Variants in ZCCHC14 observed in about 807,000 individuals in gnomAD.
The protein encoded by ZCCHC14 is zinc finger CCHC domain-containing protein 14.
A neutral mutation model predicts 85.0 loss-of-function variants in ZCCHC14; 16 were observed. The observed-to-expected ratio is 0.19, with a 90% confidence interval of 0.13 to 0.29. The LOEUF (loss-of-function observed/expected upper bound fraction) is 0.29, where lower values mean the gene tolerates loss of function less well. Among genes scored for constraint, ZCCHC14 ranks in the 10% least tolerant of loss-of-function variants. ZCCHC14 has a pLI of 1.00. For synonymous variants in ZCCHC14, 775 were observed against 630.7 expected, an observed-to-expected ratio of 1.23 and a Z score of -3.43; for missense variants, 1,303 against 1,443.5, an observed-to-expected ratio of 0.90 and a Z score of 1.58.
chr16:87,467,121 A>C lies in ZCCHC14; in HGVS notation c.571-6990T>G, dbSNP rs1911560632. On this transcript the variant is annotated intron_variant, in intron 1 of 12. Transcript: ENST00000671377. ...TCTGACCTCTAACTCCTGGCCTCAA[A>C]AGTGGTCCTCCACCAGATCAGACCT... 1.7e-5 allele frequency: 14 copies of C among 810,850 alleles called. No individual in the cohort carries two copies. The South Asian group carries it at 2.2e-4, about 13-fold the overall frequency. 50.2% of individuals were successfully genotyped at this position (810,850 alleles called of 1,614,324 possible). A position where few individuals can be genotyped will look rare whatever the true frequency, so the allele number is the denominator to read the frequency against.
At chr16:87,411,036 G>A (rs190549830) in intron 12 of ZCCHC14, among the ~76,000 whole-genome samples, 10 of 152,324 alleles carry the variant, frequency 6.6e-5, no homozygotes, top group East Asian at 1.9e-4. Flanking sequence ...AAAAAATAGC[G>A]GAGATAAAAC....
intron 1 of ZCCHC14, chr16:87,467,717 T>C (rs894512031): frequency 1.5e-6 from 1 of 655,496 alleles, no homozygotes; most frequent in Non-Finnish European, 2.7e-6. Context: ...AGTGGTGCGA[T>C]CTTGGCTCAC....
intron 1 of ZCCHC14, among the ~76,000 whole-genome samples, chr16:87,484,382 C>A (rs866082733): frequency 7.0e-4 from 106 of 152,266 alleles, no homozygotes; most frequent in Middle Eastern, 3.4e-3. Flanking sequence ...GCTGAATACT[C>A]TTCCGAAAAA....
At chr16:87,419,001 G>C in intron 6 of ZCCHC14, 100 bp from the exon 7 acceptor site, 1 of 1,150,782 alleles carries the variant, frequency 8.7e-7, no homozygotes, top group South Asian at 1.4e-5. Context: ...TTGTTGCCCA[G>C]GCTGGAGAGC....
chr16:87,419,786 G>A lies in ZCCHC14; in HGVS notation c.1042C>T (p.Pro348Ser). 6.3e-7 allele frequency: 1 copy of A among 1,597,806 alleles called. No individual in the cohort carries two copies. The highest frequency in any genetic ancestry group is 1.8e-5 in the Admixed American group (1 of 55,794). ...TAACCATATTTTACAAACTCACTTG[G>A]ACTCTGAAGCTGCTGTGGGGGAGAG... ...TSSPPQQLQS[P>S]SPGNPSLSKV... Residue 348 changes from proline to serine, a missense_variant, in exon 6 of 13, where the codon CCA becomes TCA. Physicochemically the swap from Pro to Ser is moderately conservative, Grantham distance 74. This residue lies in a region of ZCCHC14 where 389 missense variants were observed against 397.8 expected (regional missense o/e 0.98). Coordinates refer to ENST00000671377, the MANE Select transcript of ZCCHC14 (RefSeq NM_015144.3).
intron 1 of ZCCHC14, among the ~76,000 whole-genome samples, chr16:87,477,096 G>C (rs186846233): frequency 8.7e-6 from 1 of 114,614 alleles, no homozygotes; most frequent in African/African-American, 3.7e-5. Context: ...TTGTACTCTA[G>C]CCTGACAGAG....
In ZCCHC14 at chr16:87,414,437, G is replaced by C; in HGVS notation, c.1580C>G (p.Ser527Trp). Reference protein sequence around the residue: ...PPTSHVGPVQSGRGSHAAELR... With the variant: ...PPTSHVGPVQWGRGSHAAELR... The stretch of plus-strand genomic sequence containing the variant: ...ACCTGCTGCATGGCTGCCCCGCCCC[G>C]ACTGCACGGGCCCGACGTGGCTGGT... The change falls in exon 10 of 13, where the codon TCG becomes TGG. Residue 527 changes from serine (S) to tryptophan (W), a missense_variant. Physicochemically the swap from Ser to Trp is radical, Grantham distance 177. Coordinates refer to ENST00000671377, the MANE Select transcript of ZCCHC14 (RefSeq NM_015144.3). 6.2e-7 allele frequency: 1 copy of C among 1,613,070 alleles called. No homozygotes were observed. The highest frequency in any genetic ancestry group is 8.5e-7 in the Non-Finnish European group (1 of 1,179,922).
chr16:87,429,922 T>TA (rs1181154716), intron 3 of ZCCHC14, among the ~76,000 whole-genome samples: 11 of 152,076 alleles, frequency 7.2e-5, no homozygotes, highest in Non-Finnish European at 1.0e-4. Context: ...CCCCATCTCT[T>TA]AAAAAAAAGT....
Position 87,491,753 on chromosome 16 carries a change from G to T in ZCCHC14, c.486C>A (p.Ser162Arg), listed in dbSNP as rs373023329. ...VLRQELTQIQ[S>R]SLNGGGGHGG... is the part of the protein sequence containing the mutation. ...CGTGGCCCCCGCCGCCGTTCAGGCT[G>T]CTCTGGATCTGCGTGAGCTCCTGGC... Residue 162 changes from serine (S) to arginine (R), a missense_variant, in exon 1 of 13, where the codon AGC (serine) becomes AGA (arginine). Physicochemically the swap from Ser to Arg is moderately radical, Grantham distance 110. Coordinates refer to ENST00000671377, the MANE Select transcript of ZCCHC14 (RefSeq NM_015144.3). The surrounding 1 kb of genome is among the most constrained non-coding windows in gnomAD (Gnocchi z 5.9). The T allele has an allele frequency of 6.9e-6, 11 of 1,584,832 alleles. No individual in the cohort carries two copies. The highest frequency in any genetic ancestry group is 1.4e-5 in the African/African-American group (1 of 71,648).
intron 2 of ZCCHC14, among the ~76,000 whole-genome samples, chr16:87,437,597 A>C (rs1909991669): frequency 6.6e-6 from 1 of 152,202 alleles, no homozygotes; most frequent in African/African-American, 2.4e-5. Context: ...GGCTGGGGCA[A>C]AGGGACCCGA....
intron 3 of ZCCHC14, among the ~76,000 whole-genome samples, chr16:87,428,654 C>T (rs1456957618): frequency 6.6e-6 from 1 of 152,228 alleles, no homozygotes; most frequent in Non-Finnish European, 1.5e-5. Flanking sequence ...AGCCATGCCC[C>T]ACCATGGCAG....
rs540705876 is a variant in ZCCHC14 at position 87,412,431 on chromosome 16, T to C, written c.2290A>G (p.Ser764Gly). The C allele has an allele frequency of 9.9e-6, 16 of 1,614,050 alleles. No homozygotes were observed. The African/African-American group carries it at 1.2e-4, about 12-fold the overall frequency. The change falls in exon 12 of 13, where the codon AGC (serine) becomes GGC (glycine). Residue 764 changes from serine (S) to glycine (G), a missense_variant. Physicochemically the swap from Ser to Gly is moderately conservative, Grantham distance 56. Transcript: ENST00000671377. ...ETSTAATGTP[S>G]TVLHAARPPI... is the part of the protein sequence containing the mutation. The stretch of plus-strand genomic sequence containing the variant: ...GGACGGGCGGCGTGGAGGACTGTGC[T>C]GGGCGTCCCCGTGGCGGCCGTGCTG...
In ZCCHC14 at chr16:87,427,408, T is replaced by G. The variant is rs1161533606; in HGVS notation, c.769-3527A>C. On this transcript the variant is annotated intron_variant, in intron 3 of 12. Coordinates refer to ENST00000671377, the MANE Select transcript of ZCCHC14 (RefSeq NM_015144.3). ...GGAGCAGTCAGTGTTGCTTGGGGTA[T>G]GAACTTTTTTTTCTTTTTGAGACAG... 4.6e-5 allele frequency among the ~76,000 whole-genome samples: 7 copies of G among 152,194 alleles called. No homozygotes were observed. The East Asian group carries it at 1.3e-3, about 29-fold the overall frequency.
At chr16:87,489,156 G>GC (rs1352455304) in intron 1 of ZCCHC14, among the ~76,000 whole-genome samples, 1 of 152,224 alleles carries the variant, frequency 6.6e-6, no homozygotes, top group Non-Finnish European at 1.5e-5. Flanking sequence ...CTTTGAAGCA[G>GC]CAACAGAAAC....
At chr16:87,475,542 G>C (rs1330943951) in intron 1 of ZCCHC14, among the ~76,000 whole-genome samples, 1 of 107,448 alleles carries the variant, frequency 9.3e-6, no homozygotes, top group African/African-American at 3.9e-5. Flanking sequence ...GGCAGAGCAA[G>C]ACTCTGTCTT....
chr16:87,484,958 C>T (rs952750633), intron 1 of ZCCHC14, among the ~76,000 whole-genome samples: 3 of 152,220 alleles, frequency 2.0e-5, no homozygotes, highest in Non-Finnish European at 2.9e-5. Context: ...GTGACCAAAC[C>T]GGCGGTGAGG....
intron 1 of ZCCHC14, among the ~76,000 whole-genome samples, chr16:87,477,153 C>CAAAAAAAAAAAAAAAAAAAAAAAA (rs1412376609): frequency 3.4e-5 from 4 of 116,204 alleles, no homozygotes; most frequent in African/African-American, 1.8e-4. Flanking sequence ...AAAACAAAAC[C>CAAAAAAAAAAAAAAAAAAAAAAAA]AAAAAAAAAT....
intron 1 of ZCCHC14, among the ~76,000 whole-genome samples, chr16:87,466,875 C>G (rs965925514): frequency 6.6e-6 from 1 of 152,104 alleles, no homozygotes; most frequent in Non-Finnish European, 1.5e-5. Flanking sequence ...GGGACAGTCA[C>G]ATCTAACCGT....
At chr16:87,451,736 G>A (rs939112827) in intron 2 of ZCCHC14, among the ~76,000 whole-genome samples, 1 of 152,216 alleles carries the variant, frequency 6.6e-6, no homozygotes. Flanking sequence ...GCAGGACAGT[G>A]CTGTTGTCAT....
Sources: gnomAD v4.1 joint callset for allele counts (sites outside exome capture counted in the v4.1 genomes callset) on GRCh38, gnomAD v4.1.1 for gene constraint, gnomAD v4.1.1 regional missense constraint, Gnocchi (gnomAD v3.1) non-coding constraint, MANE v1.5 for transcripts, NCBI Gene and HGNC (gene_info 2026-07-23, HGNC 2026-07-21) for gene names.